RGS20: variants seen among roughly 807,000 people sequenced by gnomAD.
RGS20 encodes gz-selective GTPase-activating protein.
A neutral mutation model predicts 33.6 loss-of-function variants in RGS20; 30 were observed. The ratio of observed to expected loss-of-function variants is 0.89; its 90% CI spans 0.67 to 1.21. The LOEUF (loss-of-function observed/expected upper bound fraction) is 1.21. RGS20 is among the 50% of genes most tolerant of loss of function. RGS20 has a pLI of 0.00. For missense variants in RGS20, 472 were observed against 502.4 expected, an observed-to-expected ratio of 0.94 and a Z score of 0.58; for synonymous variants, 208 against 197.9, an observed-to-expected ratio of 1.05 and a Z score of -0.43.
chr8:53,889,288 C>T (rs981002896), intron 2 of RGS20, among the ~76,000 whole-genome samples: 5 of 151,766 alleles, frequency 3.3e-5, no homozygotes, highest in Non-Finnish European at 7.4e-5. Context: ...TCCCTGGCTA[C>T]TAATGATGTT....
intron 2 of RGS20, among the ~76,000 whole-genome samples, chr8:53,905,128 AT>A (rs1563382393): frequency 6.6e-6 from 1 of 152,264 alleles, no homozygotes; most frequent in Non-Finnish European, 1.5e-5. Flanking sequence ...ATCTGTAAGC[AT>A]CCATCTGGAA....
At chr8:53,953,069 G>A (rs1321602000) in intron 4 of RGS20, among the ~76,000 whole-genome samples, 1 of 152,116 alleles carries the variant, frequency 6.6e-6, no homozygotes, top group Non-Finnish European at 1.5e-5. Flanking sequence ...TGGGAGGGTG[G>A]GAGATAGGTA....
At chr8:53,889,412 C>CTTTTTTTTTTTTTTTTTTTTTTTTT (rs34316630) in intron 2 of RGS20, among the ~76,000 whole-genome samples, 2 of 41,862 alleles carry the variant, frequency 4.8e-5, no homozygotes, top group Non-Finnish European at 6.2e-5. Context: ...CTCTCTCTCT[C>CTTTTTTTTTTTTTTTTTTTTTTTTT]TTTTTTTTTT....
intron 2 of RGS20, among the ~76,000 whole-genome samples, chr8:53,900,206 A>G (rs1812973022): frequency 6.6e-6 from 1 of 152,096 alleles, no homozygotes; most frequent in African/African-American, 2.4e-5. Flanking sequence ...CAGTGGTGCA[A>G]TCATAGCTCA....
At chr8:53,913,466 T>C (rs1284389236) in intron 2 of RGS20, 1 of 152,364 alleles carries the variant, frequency 6.6e-6, no homozygotes, top group East Asian at 1.9e-4. Flanking sequence ...CTAACCATGA[T>C]ACCTGTGAAT....
intron 2 of RGS20, among the ~76,000 whole-genome samples, chr8:53,891,333 T>C (rs1317123350): frequency 1.3e-5 from 2 of 152,178 alleles, no homozygotes; most frequent in Non-Finnish European, 2.9e-5. Flanking sequence ...AGAATAGTGA[T>C]TTGGGCCAGG....
At chr8:53,909,989 C>CAA (rs1004619331) in intron 2 of RGS20, among the ~76,000 whole-genome samples, 2 of 152,120 alleles carry the variant, frequency 1.3e-5, no homozygotes, top group Non-Finnish European at 2.9e-5. Flanking sequence ...AGAGCAGGGA[C>CAA]AAATGCCTTC....
chr8:53,881,250 C>CGGTGCG, intron 2 of RGS20, among the ~76,000 whole-genome samples, 166 bp downstream of exon 1: 1 of 151,778 alleles, frequency 6.6e-6, no homozygotes, highest in African/African-American at 2.4e-5. Context: ...TTCCTTCCCG[C>CGGTGCG]AGTGCGAGTT....
intron 2 of RGS20, among the ~76,000 whole-genome samples, chr8:53,888,136 T>C (rs992713100): frequency 6.6e-6 from 1 of 152,206 alleles, no homozygotes; most frequent in Non-Finnish European, 1.5e-5. Flanking sequence ...TCTCCTGCCA[T>C]AAAGAAAGGT....
At chr8:53,863,801 A>G (rs1355635102) in intron 1 of RGS20, among the ~76,000 whole-genome samples, 1 of 141,478 alleles carries the variant, frequency 7.1e-6, no homozygotes, top group Non-Finnish European at 1.5e-5. Context: ...AACTCGGCTC[A>G]CTGCAACCTC....
chr8:53,880,584 C>A (rs906581998), intron 2 of RGS20, among the ~76,000 whole-genome samples: 3 of 152,230 alleles, frequency 2.0e-5, no homozygotes, highest in Non-Finnish European at 4.4e-5. Flanking sequence ...TCCGAGCACG[C>A]AGTCCAGCAC....
intron 2 of RGS20, among the ~76,000 whole-genome samples, chr8:53,933,252 G>C (rs1489743629): frequency 6.6e-6 from 1 of 152,178 alleles, no homozygotes; most frequent in Non-Finnish European, 1.5e-5. Flanking sequence ...AAACTGGACA[G>C]AGAATGAGTT....
intron 1 of RGS20, among the ~76,000 whole-genome samples, chr8:53,878,508 C>A (rs1435173643): frequency 6.6e-6 from 1 of 152,008 alleles, no homozygotes; most frequent in Non-Finnish European, 1.5e-5. Flanking sequence ...GGCCGGTGTT[C>A]CCGGGAATAA....
At chr8:53,916,574 G>A (rs1813488724) in intron 2 of RGS20, among the ~76,000 whole-genome samples, 1 of 152,108 alleles carries the variant, frequency 6.6e-6, no homozygotes, top group Non-Finnish European at 1.5e-5. Flanking sequence ...TGGCCTAATT[G>A]TCATTCTTTT....
intron 2 of RGS20, among the ~76,000 whole-genome samples, chr8:53,895,703 G>C (rs1812837892): frequency 6.6e-6 from 1 of 150,522 alleles, no homozygotes; most frequent in African/African-American, 2.4e-5. Flanking sequence ...GGAGTGCAGT[G>C]GCGGGATCTC....
At chr8:53,927,194 T>C (rs1295563084) in intron 2 of RGS20, among the ~76,000 whole-genome samples, 1 of 145,726 alleles carries the variant, frequency 6.9e-6, no homozygotes, top group Non-Finnish European at 1.5e-5. Context: ...TTTTTGTTTT[T>C]TGGGGCGTTT....
chr8:53,925,570 G>A (rs771355997), intron 2 of RGS20, among the ~76,000 whole-genome samples: 28 of 151,962 alleles, frequency 1.8e-4, no homozygotes, highest in Non-Finnish European at 1.5e-4. Context: ...CTCAGGTCAG[G>A]AGTAAAAATA....
intron 1 of RGS20, among the ~76,000 whole-genome samples, chr8:53,859,231 C>T (rs1371635692): frequency 6.6e-6 from 1 of 152,192 alleles, no homozygotes; most frequent in African/African-American, 2.4e-5. Context: ...TATTTATACA[C>T]CACAATGGAA....
Position 53,895,203 on chromosome 8 carries a change from T to C in RGS20, c.510+15601T>C, listed in dbSNP as rs530009469. Among the ~76,000 whole-genome samples, 3 of 152,186 alleles carry C rather than the reference T, an allele frequency of 2.0e-5. No individual in the cohort carries two copies. The East Asian group carries it at 5.8e-4, about 29-fold the overall frequency. ...AAGGTGACTTCTTGATGTAGGTGGA[T>C]GGTGGCAACATGTGTGGCCATGGAG... On this transcript the variant is annotated intron_variant, in intron 2 of 5. Coordinates refer to ENST00000297313, the MANE Select transcript of RGS20 (RefSeq NM_170587.4).
Sources: gnomAD v4.1 joint callset for allele counts (sites outside exome capture counted in the v4.1 genomes callset) on GRCh38, gnomAD v4.1.1 for gene constraint, MANE v1.5 for transcripts, NCBI Gene and HGNC (gene_info 2026-07-23, HGNC 2026-07-21) for gene names.